The following SAMD4A variants were observed in gnomAD, a reference collection of about 807,000 sequenced individuals.
The protein encoded by SAMD4A is sterile alpha motif domain containing 4A, also known as protein Smaug homolog 1.
In SAMD4A, 33 loss-of-function variants were observed where a neutral mutation model predicts 81.3. The ratio of observed to expected loss-of-function variants is 0.41; its 90% CI spans 0.31 to 0.54. The LOEUF is 0.54. Ranked by LOEUF, SAMD4A falls within the 20% of genes least tolerant of loss-of-function variation. The pLI is 0.37. For synonymous variants in SAMD4A, 389 were observed against 382.1 expected (o/e 1.02, Z -0.21); for missense variants, 854 against 951.1 (o/e 0.90, Z 1.34).
chr14:54,765,318 G>C (rs927903969), intron 8 of SAMD4A, among the ~76,000 whole-genome samples: 1 of 152,146 alleles, frequency 6.6e-6, no homozygotes, highest in Non-Finnish European at 1.5e-5. Flanking sequence ...GTAGGATTTC[G>C]ATGTGAGAAT....
chr14:54,723,926 C>A (rs544919756), intron 3 of SAMD4A, among the ~76,000 whole-genome samples: 54 of 151,772 alleles, frequency 3.6e-4, no homozygotes, highest in Admixed American at 5.9e-4. Context: ...TTTTAGTTGG[C>A]CTTCATTGTC....
rs537610943 is a variant in SAMD4A at position 54,569,439 on chromosome 14, T to G, written c.196+1327T>G. Among the ~76,000 whole-genome samples, 5 of 152,272 alleles carry G rather than the reference T, an allele frequency of 3.3e-5. No individual in the cohort carries two copies. The East Asian group carries it at 9.6e-4, about 29-fold the overall frequency. ...ACCAGACAGGACTGCACCCGAAAGA[T>G]CCTGCATGGCCAAGTATGGAGGGCC... On this transcript the variant is annotated intron_variant, in intron 2 of 12. Transcript: ENST00000554335.
At chr14:54,748,566 T>C (rs1184994380) in intron 4 of SAMD4A, among the ~76,000 whole-genome samples, 1 of 152,012 alleles carries the variant, frequency 6.6e-6, no homozygotes, top group African/African-American at 2.4e-5. Context: ...GCCCTGAAGC[T>C]CATGGACCCC....
intron 2 of SAMD4A, among the ~76,000 whole-genome samples, chr14:54,646,370 C>A (rs984944516): frequency 2.6e-5 from 4 of 152,208 alleles, no homozygotes; most frequent in African/African-American, 9.6e-5. Flanking sequence ...GTGTACTTCC[C>A]GTGCTCTGGC....
intron 3 of SAMD4A, among the ~76,000 whole-genome samples, chr14:54,735,507 C>G (rs1188416746): frequency 6.6e-6 from 1 of 152,172 alleles, no homozygotes; most frequent in African/African-American, 2.4e-5. Flanking sequence ...CCTTTTCATT[C>G]ATAAAGAAGT....
chr14:54,768,917 T>C (rs1414554368), intron 8 of SAMD4A, among the ~76,000 whole-genome samples: 2 of 152,130 alleles, frequency 1.3e-5, no homozygotes, highest in African/African-American at 4.8e-5. Context: ...TAAGCTGTCA[T>C]TTTTTTTCTC....
At chr14:54,787,504 G>C (rs1372398070) in intron 12 of SAMD4A, among the ~76,000 whole-genome samples, 1 of 152,106 alleles carries the variant, frequency 6.6e-6, no homozygotes, top group African/African-American at 2.4e-5. Flanking sequence ...GCTTTCCCTG[G>C]AACACACTGC....
At chr14:54,624,679 T>C (rs1157883897) in intron 2 of SAMD4A, among the ~76,000 whole-genome samples, 1 of 152,208 alleles carries the variant, frequency 6.6e-6, no homozygotes, top group African/African-American at 2.4e-5. Flanking sequence ...AGCAAATAGT[T>C]TTACTTATAT....
chr14:54,716,714 T>G (rs554378964), intron 3 of SAMD4A, among the ~76,000 whole-genome samples: 1 of 152,246 alleles, frequency 6.6e-6, no homozygotes, highest in East Asian at 1.9e-4. Context: ...TGTAGATGAT[T>G]TTTTTGGCAA....
intron 3 of SAMD4A, among the ~76,000 whole-genome samples, chr14:54,723,899 C>G (rs535498039): frequency 1.3e-5 from 2 of 152,080 alleles, no homozygotes; most frequent in African/African-American, 2.4e-5. Flanking sequence ...TTTCATAAAG[C>G]ATCTTCCCAT....
intron 2 of SAMD4A, among the ~76,000 whole-genome samples, chr14:54,606,523 G>A (rs1190977808): frequency 1.3e-5 from 2 of 152,190 alleles, no homozygotes; most frequent in Non-Finnish European, 2.9e-5. Flanking sequence ...CAGGCCACTT[G>A]TCTGAGGCAG....
chr14:54,603,878 G>T (rs2034129171), intron 2 of SAMD4A, among the ~76,000 whole-genome samples: 2 of 152,134 alleles, frequency 1.3e-5, no homozygotes, highest in Admixed American at 6.5e-5. Context: ...AGGCTGGAGT[G>T]CAGTGGCACG....
At chr14:54,598,003 AT>A (rs1340055021) in intron 2 of SAMD4A, among the ~76,000 whole-genome samples, 9 of 152,194 alleles carry the variant, frequency 5.9e-5, no homozygotes, top group African/African-American at 2.2e-4. Context: ...AGTCATGCTA[AT>A]TTAGAAAGAG....
At position 54,764,481 on chromosome 14, in the gene SAMD4A, C is replaced by A; in HGVS notation, c.1537C>A (p.Pro513Thr). Residue 513 changes from proline (P) to threonine (T), a missense_variant, in exon 8 of 13, where the codon CCT (proline) becomes ACT (threonine). Coordinates refer to ENST00000554335, the MANE Select transcript of SAMD4A (RefSeq NM_015589.6). ...GTGCACACAGCTCTTGGTCTCCAGA[C>A]CTGATGAGGAAAATATAAGTTCCTA... Reference protein sequence around the residue: ...KVCTQLLVSRPDEENISSYLQ... With the variant: ...KVCTQLLVSRTDEENISSYLQ... The A allele has an allele frequency of 6.2e-7, 1 of 1,612,044 alleles. No homozygotes were observed. The highest frequency in any genetic ancestry group is 8.5e-7 in the Non-Finnish European group (1 of 1,178,498).
At chr14:54,594,359 G>T (rs2033858494) in intron 2 of SAMD4A, among the ~76,000 whole-genome samples, 1 of 151,922 alleles carries the variant, frequency 6.6e-6, no homozygotes, top group South Asian at 2.1e-4. Context: ...GGAGATCAAG[G>T]CTGCAGTGAG....
At chr14:54,708,820 A>C (rs1594841768) in intron 3 of SAMD4A, among the ~76,000 whole-genome samples, 1 of 152,324 alleles carries the variant, frequency 6.6e-6, no homozygotes, top group East Asian at 1.9e-4. Flanking sequence ...AACTGAGAGC[A>C]CTTAGCACAT....
chr14:54,597,256 GTCTTTT>G (rs1161148970), intron 2 of SAMD4A, among the ~76,000 whole-genome samples: 3 of 151,678 alleles, frequency 2.0e-5, no homozygotes, highest in East Asian at 1.9e-4. Flanking sequence ...CTCTGTTGTG[GTCTTTT>G]TCTTTTTCTT....
At chr14:54,612,731 G>C (rs1435483806) in intron 2 of SAMD4A, among the ~76,000 whole-genome samples, 2 of 152,148 alleles carry the variant, frequency 1.3e-5, no homozygotes, top group African/African-American at 4.8e-5. Context: ...CTGCGTGCTA[G>C]GATTTGGGTA....
At chr14:54,577,610 A>G (rs2033340431) in intron 2 of SAMD4A, among the ~76,000 whole-genome samples, 1 of 152,224 alleles carries the variant, frequency 6.6e-6, no homozygotes, top group Non-Finnish European at 1.5e-5. Context: ...CTTCATATGA[A>G]TAATGTCACA....
Sources: allele counts gnomAD v4.1 joint callset (sites outside exome capture counted in the v4.1 genomes callset), GRCh38; gene constraint gnomAD v4.1.1; transcripts MANE v1.5; gene names NCBI Gene and HGNC (gene_info 2026-07-23, HGNC 2026-07-21).